Variants in ARHGAP44 observed in about 807,000 individuals in gnomAD.
ARHGAP44 encodes rho GTPase-activating protein 44.
Under a neutral mutation model 106.8 loss-of-function variants are expected in ARHGAP44, and 43 were observed. The observed-to-expected ratio is 0.40, with a 90% CI of 0.32 to 0.52. The LOEUF is 0.52. Ranked by LOEUF, ARHGAP44 falls within the 20% of genes least tolerant of loss-of-function variation. ARHGAP44 has a pLI of 0.48. For synonymous variants in ARHGAP44, 439 were observed against 410.3 expected (o/e 1.07, Z -0.85); for missense variants, 866 against 1,050.5 (o/e 0.82, Z 2.43).
chr17:12,919,950 G>A (rs943096997), intron 6 of ARHGAP44, 119 bp downstream of exon 6: 14 of 755,948 alleles, frequency 1.9e-5, no homozygotes, highest in African/African-American at 1.4e-4. Context: ...GACACCTAAC[G>A]TGTACCAGGC....
chr17:12,918,702 C>T (rs371948280), intron 5 of ARHGAP44, among the ~76,000 whole-genome samples: 5 of 152,210 alleles, frequency 3.3e-5, no homozygotes, highest in East Asian at 1.9e-4. Context: ...TCTCCACGCT[C>T]TTCCTCCTTC....
chr17:12,869,010 G>A lies in ARHGAP44; in HGVS notation c.54-25930G>A, dbSNP rs2036326118. Among the ~76,000 whole-genome samples, 7 of 152,022 alleles carry A rather than the reference G, an allele frequency of 4.6e-5. No homozygotes were observed. The South Asian group carries it at 1.5e-3, about 32-fold the overall frequency. On this transcript the variant is annotated intron_variant, in intron 1 of 20. Transcript: ENST00000379672. ...ACCATAAAAGAGCATAAAATTATTT[G>A]GAGGACACAAGAAATACATATTTAA... is the stretch of plus-strand genomic sequence containing the variant.
intron 10 of ARHGAP44, 125 bp downstream of exon 10, chr17:12,944,321 A>G (rs2038791777): frequency 3.9e-6 from 5 of 1,265,942 alleles, no homozygotes; most frequent in Non-Finnish European, 2.1e-6. Context: ...GGCTTAAGAC[A>G]GTGGCTCAGA....
intron 1 of ARHGAP44, among the ~76,000 whole-genome samples, chr17:12,841,567 G>A (rs955756060): frequency 5.7e-5 from 8 of 141,156 alleles, no homozygotes; most frequent in Non-Finnish European, 9.0e-5. Context: ...GGGCAACAGA[G>A]TGAGACCCTG....
In ARHGAP44 at chr17:12,944,167, A is replaced by G; in HGVS notation, c.832A>G (p.Met278Val). 1 of 1,611,656 alleles carries G rather than the reference A, an allele frequency of 6.2e-7. No individual in the cohort carries two copies. The highest frequency in any genetic ancestry group is 2.2e-5 in the East Asian group (1 of 44,798). The change falls in exon 10 of 21, where the codon ATG (methionine) becomes GTG (valine). Residue 278 changes from methionine to valine, a missense_variant. Physicochemically the swap from Met to Val is conservative, Grantham distance 21 (BLOSUM62 1). Around this residue, in one of 2 missense-constraint regions of ARHGAP44, gnomAD observed 448 missense variants for 646.9 expected, o/e 0.69. Coordinates refer to ENST00000379672, the MANE Select transcript of ARHGAP44 (RefSeq NM_014859.6). ...CTTCCCCATCGAGGCGTGTGTGACC[A>G]TGCTGCTTGAGTGTGGGATGCAGGA... Reference protein sequence around the residue: ...IAFPIEACVTMLLECGMQEEG... With the variant: ...IAFPIEACVTVLLECGMQEEG...
At chr17:12,987,965 A>G (rs1205226762) in intron 20 of ARHGAP44, 1 of 152,204 alleles carries the variant, frequency 6.6e-6, no homozygotes, top group East Asian at 1.9e-4. Context: ...GGGTGGCCAA[A>G]GCAAACCAGG....
intron 9 of ARHGAP44, 110 bp from the exon 10 acceptor site, chr17:12,943,959 T>A (rs1173278083): frequency 1.5e-6 from 2 of 1,376,462 alleles, no homozygotes; most frequent in East Asian, 2.6e-5. Context: ...CAATTGGGCC[T>A]CCCTCTCTTT....
intron 1 of ARHGAP44, among the ~76,000 whole-genome samples, chr17:12,858,897 G>C (rs955307321): frequency 1.3e-5 from 2 of 152,210 alleles, no homozygotes; most frequent in African/African-American, 4.8e-5. Flanking sequence ...GCAGGCAAGA[G>C]AGAATGAGAG....
Position 12,990,070 on chromosome 17 carries a change from CTCGG to C in ARHGAP44, c.2357_2360del (p.Leu786ArgfsTer6), listed in dbSNP as rs749452646. On this transcript the variant is annotated frameshift_variant, in exon 21 of 21. Transcript: ENST00000379672. LOFTEE classifies it high-confidence loss of function. ...TGATATTCCCTCGATCCACATAGAGCTCGGGTCGACGCTCCGCCTGAGTCCCCTG... is the reference window on the plus strand; with the variant it reads ...TGATATTCCCTCGATCCACATAGAGCGTCGACGCTCCGCCTGAGTCCCCTG... 6.2e-7 allele frequency: 1 copy of C among 1,612,876 alleles called. No homozygotes were observed. The highest frequency in any genetic ancestry group is 8.5e-7 in the Non-Finnish European group (1 of 1,178,930).
chr17:12,799,863 A>G (rs2034036060), intron 1 of ARHGAP44, among the ~76,000 whole-genome samples: 1 of 152,176 alleles, frequency 6.6e-6, no homozygotes, highest in Non-Finnish European at 1.5e-5. Flanking sequence ...TCCTGACCTC[A>G]GGAGATCCAT....
At chr17:12,978,268 C>T (rs957426440) in intron 18 of ARHGAP44, among the ~76,000 whole-genome samples, 1 of 152,134 alleles carries the variant, frequency 6.6e-6, no homozygotes, top group Admixed American at 6.5e-5. Context: ...CATTGATGCC[C>T]GGGTACCTGG....
intron 16 of ARHGAP44, among the ~76,000 whole-genome samples, chr17:12,972,606 C>G (rs1442495575): frequency 6.6e-6 from 1 of 151,796 alleles, no homozygotes; most frequent in Non-Finnish European, 1.5e-5. Context: ...GGAGATCGCA[C>G]CATTGCACTC....
At chr17:12,967,629 G>C (rs2039426622) in intron 16 of ARHGAP44, among the ~76,000 whole-genome samples, 1 of 152,078 alleles carries the variant, frequency 6.6e-6, no homozygotes, top group Non-Finnish European at 1.5e-5. Context: ...GAAGTGAGCA[G>C]ACAACATCTT....
At chr17:12,876,534 A>G (rs1044737227) in intron 1 of ARHGAP44, among the ~76,000 whole-genome samples, 5 of 152,282 alleles carry the variant, frequency 3.3e-5, no homozygotes, top group Middle Eastern at 3.4e-3. Context: ...CACTAGGCAA[A>G]AGGGACTGCT....
chr17:12,802,523 T>C (rs1416035338), intron 1 of ARHGAP44, among the ~76,000 whole-genome samples: 2 of 152,216 alleles, frequency 1.3e-5, no homozygotes, highest in East Asian at 3.9e-4. Context: ...ATAGGAATTC[T>C]TTCGATTGAC....
At chr17:12,928,713 G>A (rs528506584) in intron 6 of ARHGAP44, among the ~76,000 whole-genome samples, 35 of 152,314 alleles carry the variant, frequency 2.3e-4, no homozygotes, top group African/African-American at 8.4e-4. Context: ...ATCTGAAGGG[G>A]CAGCTGATTC....
In ARHGAP44 at chr17:12,981,678, G is replaced by A. The variant is rs142436604; in HGVS notation, c.1939+1445G>A. On this transcript the variant is annotated intron_variant, in intron 19 of 20. Coordinates refer to ENST00000379672, the MANE Select transcript of ARHGAP44 (RefSeq NM_014859.6). Reference sequence around the variant, plus strand: ...CTCCCAAAGTGCTGGGATTACAGGCGTGAGCCACTGTACCCGGCCAGGCAC... The same window carrying A: ...CTCCCAAAGTGCTGGGATTACAGGCATGAGCCACTGTACCCGGCCAGGCAC... 1.1e-3 allele frequency among the ~76,000 whole-genome samples: 161 copies of A among 151,780 alleles called. 1 individual carries two copies. The highest frequency in any genetic ancestry group is 3.2e-3 in the East Asian group (16 of 4,998).
intron 13 of ARHGAP44, 141 bp downstream of exon 13, chr17:12,952,722 CTT>C (rs201371135): frequency 8.9e-3 from 2,726 of 306,150 alleles, no homozygotes; most frequent in South Asian, 0.021. Context: ...TGCATGGTCT[CTT>C]TTTTTTTTTT....
In ARHGAP44 at chr17:12,989,849, G is replaced by GC. The variant is rs141230340; in HGVS notation, c.2318-182dup. On this transcript the variant is annotated intron_variant, in intron 20 of 20. Transcript: ENST00000379672. ...GGTTCTACGAACTTATGGGGTAGAA[G>GC]CAAAGCAGGCATGAGCACAACCTGA... Among the ~76,000 whole-genome samples, 666 of 152,264 alleles carry GC rather than the reference G, an allele frequency of 4.4e-3. 3 individuals are homozygous for GC. Among genetic ancestry groups the GC allele is most frequent in the Middle Eastern group, 0.01 (3 of 294 alleles).
Sources: gnomAD v4.1 joint callset for allele counts (sites outside exome capture counted in the v4.1 genomes callset) on GRCh38, gnomAD v4.1.1 for gene constraint, gnomAD v4.1.1 regional missense constraint, MANE v1.5 for transcripts, NCBI Gene and HGNC (gene_info 2026-07-23, HGNC 2026-07-21) for gene names.